The following RAP1B variants were observed in gnomAD, a reference collection of about 807,000 sequenced individuals.
RAP1B encodes RAP1B, member of RAS oncogene family.
RAP1B carries 1 observed loss-of-function variant against 27.5 expected under a neutral mutation model. That is an observed-to-expected ratio of 0.04 (90% CI 0.01 to 0.17). RAP1B has a LOEUF of 0.17. Among genes scored for constraint, RAP1B ranks in the 10% least tolerant of loss-of-function variants. The probability of loss-of-function intolerance (pLI) is 1.00; values close to 1 mark genes in which losing one functional copy is unlikely to be tolerated. For synonymous variants in RAP1B, 75 were observed against 73.1 expected, an observed-to-expected ratio of 1.03 and a Z score of -0.13; for missense variants, 84 against 214.8, an observed-to-expected ratio of 0.39 and a Z score of 3.81.
At chr12:68,652,439 A>AGC (rs1182749022) in intron 4 of RAP1B, among the ~76,000 whole-genome samples, 1 of 152,024 alleles carries the variant, frequency 6.6e-6, no homozygotes, top group Non-Finnish European at 1.5e-5. Context: ...TGGGTGACAG[A>AGC]GCGAGACTCT....
intron 1 of RAP1B, among the ~76,000 whole-genome samples, chr12:68,629,201 ACTC>A (rs574876765): frequency 1.6e-4 from 24 of 151,988 alleles, no homozygotes; most frequent in Admixed American, 4.6e-4. Flanking sequence ...CTGGTATCGA[ACTC>A]CTGAGCTCAA....
rs545986668 is a variant in RAP1B at position 68,663,466 on chromosome 12, G to T, written c.*4217G>T. The T allele has an allele frequency of 1.3e-5, 2 of 152,272 alleles. No individual in the cohort carries two copies. Among genetic ancestry groups the T allele is most frequent in the African/African-American group, 4.8e-5 (2 of 41,548 alleles). 9.4% of individuals were successfully genotyped at this position (152,272 alleles called of 1,614,324 possible). On this transcript the variant is annotated 3_prime_UTR_variant, in exon 8 of 8. Coordinates refer to ENST00000250559, the MANE Select transcript of RAP1B (RefSeq NM_001010942.3). ...TTCCTTAACTATTGGGAGGAAAATG[G>T]ATGAGTCTGTGTTGGGATACCTGTT...
chr12:68,654,028 G>T, intron 4 of RAP1B, 84 bp from the exon 5 acceptor site: 1 of 1,131,034 alleles, frequency 8.8e-7, no homozygotes, highest in South Asian at 1.5e-5. Context: ...ATTCTTCATT[G>T]AGCTATAATT....
chr12:68,647,762 C>A (rs1873533407), intron 1 of RAP1B, among the ~76,000 whole-genome samples: 1 of 151,926 alleles, frequency 6.6e-6, no homozygotes, highest in Non-Finnish European at 1.5e-5. Flanking sequence ...GTTTAACAGG[C>A]CATTTTTGAT....
Position 68,664,556 on chromosome 12 carries a change from A to G in RAP1B, c.*5307A>G, listed in dbSNP as rs1444880218. The stretch of plus-strand genomic sequence containing the variant: ...AACCCCGTCTCTACTAAAAATAACA[A>G]AAATTAGACGGGCACGGTGGTGTGT... On this transcript the variant is annotated 3_prime_UTR_variant, in exon 8 of 8. Coordinates refer to ENST00000250559, the MANE Select transcript of RAP1B (RefSeq NM_001010942.3). 8 of 152,166 alleles carry G rather than the reference A, an allele frequency of 5.3e-5. No homozygotes were observed. Among genetic ancestry groups the G allele is most frequent in the African/African-American group, 1.9e-4 (8 of 41,416 alleles). 9.4% of individuals were successfully genotyped at this position (152,166 alleles called of 1,614,324 possible).
At chr12:68,628,268 T>G (rs1273137069) in intron 1 of RAP1B, among the ~76,000 whole-genome samples, 3 of 152,202 alleles carry the variant, frequency 2.0e-5, no homozygotes, top group African/African-American at 7.2e-5. Context: ...TTGGTTGATG[T>G]ACACCACAAA....
At position 68,657,158 on chromosome 12, in the gene RAP1B, C is replaced by A; in HGVS notation, c.526C>A (p.Arg176Ser). Reference protein sequence around the residue: ...NRKTPVPGKARKKSSCQLL With the variant: ...NRKTPVPGKASKKSSCQLL Reference sequence around the variant, plus strand: ...AAAAACTCCAGTGCCTGGGAAGGCTCGCAAAAAGTCATCATGTCAGCTGCT... The same window carrying A: ...AAAAACTCCAGTGCCTGGGAAGGCTAGCAAAAAGTCATCATGTCAGCTGCT... Residue 176 changes from arginine to serine, a missense_variant, in exon 7 of 8, where the codon CGC becomes AGC. By Grantham distance (110) the Arg-to-Ser change is moderately radical. Coordinates refer to ENST00000250559, the MANE Select transcript of RAP1B (RefSeq NM_001010942.3). The A allele has an allele frequency of 1.2e-6, 2 of 1,612,732 alleles. No homozygotes were observed. Among genetic ancestry groups the A allele is most frequent in the Non-Finnish European group, 1.7e-6 (2 of 1,178,930 alleles).
chr12:68,638,360 C>A (rs780430968), intron 1 of RAP1B, among the ~76,000 whole-genome samples: 2 of 152,118 alleles, frequency 1.3e-5, no homozygotes, highest in Non-Finnish European at 2.9e-5. Context: ...TTTTTAGTTA[C>A]ATGGCTTTTA....
At position 68,671,550 on chromosome 12, in the gene RAP1B, C is replaced by T. The variant is rs186239594; in HGVS notation, c.*12301C>T. 19 of 151,608 alleles carry T rather than the reference C, an allele frequency of 1.3e-4. No individual in the cohort carries two copies. The highest frequency in any genetic ancestry group is 3.1e-4 in the African/African-American group (13 of 41,344). The allele number at this position is 151,608 out of a possible 1,614,324, so 9.4% of individuals were successfully genotyped here. A position where few individuals can be genotyped will look rare whatever the true frequency, so the allele number is the denominator to read the frequency against. Reference sequence around the variant, plus strand: ...GTGCAAAGTGAACAAAACAGAATACCGAGAAGGATGTATGTGAGGGATGCA... The same window carrying T: ...GTGCAAAGTGAACAAAACAGAATACTGAGAAGGATGTATGTGAGGGATGCA... On this transcript the variant is annotated 3_prime_UTR_variant, in exon 8 of 8. Coordinates refer to ENST00000250559, the MANE Select transcript of RAP1B (RefSeq NM_001010942.3).
rs1213452370 is a variant in RAP1B at position 68,671,009 on chromosome 12, CA to C, written c.*11762del. ...TGCCATTGCACTCCAGCCTGGGCAA[CA>C]AGAGTGATACTCCGTTTAAAAAAAA... On this transcript the variant is annotated 3_prime_UTR_variant, in exon 8 of 8. Coordinates refer to ENST00000250559, the MANE Select transcript of RAP1B (RefSeq NM_001010942.3). The C allele has an allele frequency of 4.3e-4, 37 of 85,646 alleles. No individual in the cohort carries two copies. Among genetic ancestry groups the C allele is most frequent in the Non-Finnish European group, 5.7e-4 (26 of 45,702 alleles). The allele number at this position is 85,646 out of a possible 1,614,324, so 5.3% of individuals were successfully genotyped here. A position where few individuals can be genotyped will look rare whatever the true frequency, so the allele number is the denominator to read the frequency against.
intron 1 of RAP1B, among the ~76,000 whole-genome samples, chr12:68,625,811 A>G (rs965498867): frequency 4.6e-5 from 7 of 151,980 alleles, no homozygotes; most frequent in Non-Finnish European, 8.8e-5. Context: ...AGTCCTAGCT[A>G]CTCGGGAGGC....
chr12:68,662,964 G>C lies in RAP1B; in HGVS notation c.*3715G>C, dbSNP rs898833482. 1 of 151,912 alleles carries C rather than the reference G, an allele frequency of 6.6e-6. No individual in the cohort carries two copies. The allele number at this position is 151,912 out of a possible 1,614,324, so 9.4% of individuals were successfully genotyped here. On this transcript the variant is annotated 3_prime_UTR_variant, in exon 8 of 8. Transcript: ENST00000250559. ...TGTGTTCGCGCCACTGCACCCCCACGATGGCAATAGAGTGAGACCCTGTCT... is the reference window on the plus strand; with the variant it reads ...TGTGTTCGCGCCACTGCACCCCCACCATGGCAATAGAGTGAGACCCTGTCT...
At chr12:68,646,515 C>T (rs1031825537) in intron 1 of RAP1B, among the ~76,000 whole-genome samples, 2 of 152,152 alleles carry the variant, frequency 1.3e-5, no homozygotes, top group Non-Finnish European at 2.9e-5. Flanking sequence ...AGGCTGAACT[C>T]CTGACCTTGT....
rs758513234 is a variant in RAP1B, at chr12:68,666,632, CAA to C, written c.*7386_*7387del. On this transcript the variant is annotated 3_prime_UTR_variant, in exon 8 of 8. Transcript: ENST00000250559. ...CACATACTTCAGGATAATCTCATCT[CAA>C]AATGCTTAATCACATCTGCAAAGAC... The C allele has an allele frequency of 6.6e-6, 1 of 152,174 alleles. No individual in the cohort carries two copies. Among genetic ancestry groups the C allele is most frequent in the Admixed American group, 6.6e-5 (1 of 15,264 alleles). The allele number at this position is 152,174 out of a possible 1,614,324, so 9.4% of individuals were successfully genotyped here.
At chr12:68,637,988 CCTGGGATGCAAATTTTGCTAA>C (rs1157864217) in intron 1 of RAP1B, among the ~76,000 whole-genome samples, 1 of 151,792 alleles carries the variant, frequency 6.6e-6, no homozygotes, top group Non-Finnish European at 1.5e-5. Context: ...TTTAAGGTAA[CCTGGGATGCAAATTTTGCTAA>C]CTGGATTAAT....
At chr12:68,645,590 C>T (rs1873347087) in intron 1 of RAP1B, among the ~76,000 whole-genome samples, 1 of 152,236 alleles carries the variant, frequency 6.6e-6, no homozygotes, top group Non-Finnish European at 1.5e-5. Context: ...ACAGGTGCTA[C>T]AGCTCTTTCC....
chr12:68,622,904 CT>C (rs1036169673), intron 1 of RAP1B, among the ~76,000 whole-genome samples: 1 of 152,190 alleles, frequency 6.6e-6, no homozygotes, highest in African/African-American at 2.4e-5. Flanking sequence ...GTCTCATAAT[CT>C]TGCCCAGGCT....
At chr12:68,651,298 C>T (rs534862583) in intron 3 of RAP1B, among the ~76,000 whole-genome samples, 2 of 151,048 alleles carry the variant, frequency 1.3e-5, no homozygotes, top group Non-Finnish European at 3.0e-5. Context: ...AGAGGTATTT[C>T]CCAACCTCTA....
intron 1 of RAP1B, among the ~76,000 whole-genome samples, chr12:68,636,372 C>T (rs758370947): frequency 5.3e-5 from 8 of 152,210 alleles, no homozygotes; most frequent in Non-Finnish European, 1.2e-4. Flanking sequence ...AGAGTTTCTG[C>T]TGCAGGGCAT....
Sources: gnomAD v4.1 joint callset for allele counts (sites outside exome capture counted in the v4.1 genomes callset) on GRCh38, gnomAD v4.1.1 for gene constraint, MANE v1.5 for transcripts, NCBI Gene and HGNC (gene_info 2026-07-23, HGNC 2026-07-21) for gene names.